C12orf42: variants seen among roughly 807,000 people sequenced by gnomAD.
The protein encoded by C12orf42 is chromosome 12 open reading frame 42.
C12orf42 carries 25 observed loss-of-function variants against 21.6 expected under a neutral mutation model. The observed-to-expected ratio is 1.16, with a 90% CI of 0.84 to 1.62. The LOEUF (loss-of-function observed/expected upper bound fraction) is 1.62, where lower values mean the gene tolerates loss of function less well. Ranked by LOEUF, C12orf42 falls within the 40% of genes most tolerant of loss-of-function variation. The pLI is 0.00. For missense variants in C12orf42, 483 were observed against 459.3 expected (o/e 1.05, Z -0.47); for synonymous variants, 174 against 175.0 (o/e 0.99, Z 0.05).
chr12:103,097,390 T>C, the C12orf42 span, among the ~76,000 whole-genome samples: 2 of 152,240 alleles, frequency 1.3e-5, no homozygotes, highest in Non-Finnish European at 2.9e-5. Context: ...ATGTAGTGCA[T>C]GTCTTAGGAT....
the C12orf42 span, among the ~76,000 whole-genome samples, chr12:103,560,944 C>A: frequency 1.3e-5 from 2 of 152,218 alleles, no homozygotes; most frequent in African/African-American, 4.8e-5. Context: ...ATCCTTCTCC[C>A]TCACCCACAT....
chr12:103,241,747 T>C (rs909461950), intron 10 of C12orf42, among the ~76,000 whole-genome samples: 6 of 152,152 alleles, frequency 3.9e-5, no homozygotes, highest in Admixed American at 1.3e-4. Flanking sequence ...TAAGGCATTG[T>C]GGGAGAGACA....
the C12orf42 span, among the ~76,000 whole-genome samples, chr12:103,512,666 C>T: frequency 3.9e-5 from 6 of 152,124 alleles, no homozygotes; most frequent in South Asian, 8.3e-4. Context: ...TTTGAGAACT[C>T]GTAAGGATTG....
intron 4 of C12orf42, among the ~76,000 whole-genome samples, chr12:103,308,095 C>T (rs899554614): frequency 6.6e-6 from 1 of 152,108 alleles, no homozygotes; most frequent in African/African-American, 2.4e-5. Context: ...GCCTCAGTTT[C>T]TCATTCATAA....
At chr12:103,071,705 T>A in the C12orf42 span, among the ~76,000 whole-genome samples, 1 of 152,156 alleles carries the variant, frequency 6.6e-6, no homozygotes, top group African/African-American at 2.4e-5. Flanking sequence ...TTGCTCCTTA[T>A]TCACCTTCCG....
intron 3 of C12orf42, among the ~76,000 whole-genome samples, chr12:103,369,757 A>G (rs1325418338): frequency 6.6e-6 from 1 of 152,088 alleles, no homozygotes; most frequent in Non-Finnish European, 1.5e-5. Flanking sequence ...TCATTCTAAA[A>G]CCTAAAACTA....
the C12orf42 span, among the ~76,000 whole-genome samples, chr12:103,136,914 C>A: frequency 6.6e-6 from 1 of 152,000 alleles, no homozygotes; most frequent in Non-Finnish European, 1.5e-5. Context: ...TTGTAAGACC[C>A]AAAACTATAA....
the C12orf42 span, among the ~76,000 whole-genome samples, chr12:103,070,922 A>G: frequency 1.3e-5 from 2 of 152,188 alleles, no homozygotes; most frequent in African/African-American, 4.8e-5. Flanking sequence ...CATGAATAAG[A>G]TTTCCTAAAT....
chr12:103,122,015 T>C, the C12orf42 span, among the ~76,000 whole-genome samples: 9 of 152,210 alleles, frequency 5.9e-5, no homozygotes, highest in African/African-American at 2.2e-4. Flanking sequence ...AAGGTAGCCA[T>C]GGCACTATTG....
the C12orf42 span, among the ~76,000 whole-genome samples, chr12:103,508,821 A>T: frequency 6.6e-6 from 1 of 152,304 alleles, no homozygotes; most frequent in East Asian, 1.9e-4. Context: ...TGTGCAAATT[A>T]TTTGATCTTT....
At chr12:103,416,333 A>G (rs1294205564) in intron 2 of C12orf42, among the ~76,000 whole-genome samples, 1 of 152,116 alleles carries the variant, frequency 6.6e-6, no homozygotes, top group Non-Finnish European at 1.5e-5. Context: ...GGTTTAGTGC[A>G]TTATAGGGAA....
intron 2 of C12orf42, among the ~76,000 whole-genome samples, chr12:103,423,134 TTGTCC>T (rs1273648141): frequency 6.6e-6 from 1 of 152,240 alleles, no homozygotes; most frequent in Non-Finnish European, 1.5e-5. Context: ...GGTCACTGTG[TTGTCC>T]CTGGAAGCAT....
At chr12:103,202,170 T>C in the C12orf42 span, among the ~76,000 whole-genome samples, 1 of 152,206 alleles carries the variant, frequency 6.6e-6, no homozygotes, top group African/African-American at 2.4e-5. Context: ...AGGATCCCAG[T>C]GATCTCTAGA....
chr12:103,413,184 T>C (rs1259570090), intron 2 of C12orf42, among the ~76,000 whole-genome samples: 1 of 152,216 alleles, frequency 6.6e-6, no homozygotes, highest in Non-Finnish European at 1.5e-5. Context: ...TAGCCAGTTA[T>C]CCAAGCACCA....
chr12:103,252,291 TC>T (rs1364459324), intron 10 of C12orf42, among the ~76,000 whole-genome samples: 1 of 152,230 alleles, frequency 6.6e-6, no homozygotes, highest in Non-Finnish European at 1.5e-5. Flanking sequence ...TTATTTATAA[TC>T]CTTTGGGTAT....
chr12:103,553,563 AATTTC>A, the C12orf42 span, among the ~76,000 whole-genome samples: 1 of 152,184 alleles, frequency 6.6e-6, no homozygotes, highest in East Asian at 1.9e-4. Flanking sequence ...GGAAAAAAAC[AATTTC>A]ATTAGTGTTA....
chr12:103,292,224 A>G (rs1197498453), intron 4 of C12orf42, among the ~76,000 whole-genome samples: 1 of 152,160 alleles, frequency 6.6e-6, no homozygotes, highest in African/African-American at 2.4e-5. Flanking sequence ...GTGGACATCT[A>G]TAGAGACAAA....
chr12:103,311,402 T>C (rs1330160751), intron 4 of C12orf42, among the ~76,000 whole-genome samples: 2 of 152,000 alleles, frequency 1.3e-5, no homozygotes, highest in African/African-American at 4.8e-5. Flanking sequence ...GATCAGCTGA[T>C]TTATTGCAAA....
the C12orf42 span, among the ~76,000 whole-genome samples, chr12:103,094,382 C>A: frequency 1.3e-5 from 2 of 152,196 alleles, no homozygotes; most frequent in African/African-American, 4.8e-5. Flanking sequence ...TTAAAGGGAA[C>A]AATCCATTCC....
Sources: allele counts gnomAD v4.1 joint callset (sites outside exome capture counted in the v4.1 genomes callset), GRCh38; gene constraint gnomAD v4.1.1; transcripts MANE v1.5; gene names NCBI Gene and HGNC (gene_info 2026-07-23, HGNC 2026-07-21).